The following BCAR3 variants were observed in gnomAD, a reference collection of about 807,000 sequenced individuals.
BCAR3 encodes BCAR3 adaptor protein, NSP family member, also known as breast cancer anti-estrogen resistance protein 3.
A neutral mutation model predicts 80.1 loss-of-function variants in BCAR3; 37 were observed. The observed-to-expected ratio is 0.46, with a 90% confidence interval of 0.36 to 0.61. BCAR3 has a LOEUF of 0.61. Ranked by LOEUF, BCAR3 falls within the 20% of genes least tolerant of loss-of-function variation. The pLI, the probability that BCAR3 is intolerant of heterozygous loss-of-function variation, is 0.00. For synonymous variants in BCAR3, 389 were observed against 418.9 expected (o/e 0.93, Z 0.87); for missense variants, 978 against 1,068.2 (o/e 0.92, Z 1.18).
At chr1:93,599,328 T>C (rs1316466712) in intron 3 of BCAR3, 28 of 152,158 alleles carry the variant, frequency 1.8e-4, no homozygotes, top group Admixed American at 1.8e-3. Context: ...AAGTGACCTC[T>C]AGCATGCACA....
At chr1:93,768,091 C>T (rs1397969888) in intron 2 of BCAR3, among the ~76,000 whole-genome samples, 1 of 152,146 alleles carries the variant, frequency 6.6e-6, no homozygotes, top group Non-Finnish European at 1.5e-5. Flanking sequence ...ATCAATGTGA[C>T]GTGCTGGGAC....
At chr1:93,730,019 A>G (rs1650727835) in intron 2 of BCAR3, among the ~76,000 whole-genome samples, 1 of 152,254 alleles carries the variant, frequency 6.6e-6, no homozygotes, top group African/African-American at 2.4e-5. Context: ...ATTGTATAGA[A>G]CAGGCTTATT....
At chr1:93,696,277 C>T (rs1177700798) in intron 3 of BCAR3, among the ~76,000 whole-genome samples, 2 of 152,148 alleles carry the variant, frequency 1.3e-5, no homozygotes, top group Non-Finnish European at 2.9e-5. Context: ...AATTTGCACA[C>T]TCCACAGCCA....
intron 2 of BCAR3, among the ~76,000 whole-genome samples, chr1:93,763,361 C>T (rs901607843): frequency 1.1e-4 from 16 of 152,190 alleles, no homozygotes; most frequent in African/African-American, 3.9e-4. Flanking sequence ...TTGCAGCCAG[C>T]CTGCTAACAC....
At chr1:93,760,758 T>C (rs1407538061) in intron 2 of BCAR3, among the ~76,000 whole-genome samples, 1 of 152,038 alleles carries the variant, frequency 6.6e-6, no homozygotes, top group Non-Finnish European at 1.5e-5. Context: ...CCAGCAAACA[T>C]AGGTGAGCTT....
chr1:93,755,363 C>T (rs868561093), intron 2 of BCAR3, among the ~76,000 whole-genome samples: 2 of 152,214 alleles, frequency 1.3e-5, no homozygotes, highest in Non-Finnish European at 2.9e-5. Context: ...TCACTCACCA[C>T]TCACTCACTG....
At chr1:93,659,383 G>C (rs1055832750) in intron 2 of BCAR3, among the ~76,000 whole-genome samples, 2 of 151,148 alleles carry the variant, frequency 1.3e-5, no homozygotes, top group African/African-American at 4.9e-5. Context: ...TGTAGAGATG[G>C]GGTCTTGCTA....
intron 3 of BCAR3, among the ~76,000 whole-genome samples, chr1:93,629,426 T>C (rs778747574): frequency 1.1e-4 from 17 of 152,210 alleles, no homozygotes; most frequent in Non-Finnish European, 2.5e-4. Flanking sequence ...AAAATCTACA[T>C]ACAGTATCAT....
chr1:93,811,570 C>T (rs1653842001), intron 2 of BCAR3, among the ~76,000 whole-genome samples: 1 of 152,172 alleles, frequency 6.6e-6, no homozygotes, highest in African/African-American at 2.4e-5. Flanking sequence ...ATCCTCCTGG[C>T]TTTGGGGCTT....
In BCAR3 at chr1:93,592,007, G is replaced by A. The variant is rs1470015602; in HGVS notation, c.486+258C>T. On this transcript the variant is annotated intron_variant, in intron 4 of 11. Coordinates refer to ENST00000260502, the MANE Select transcript of BCAR3 (RefSeq NM_003567.4). This position sits in a 1 kb window ranked among gnomAD's most constrained non-coding sequence, Gnocchi z 4.8. ...CTCTGTGGCTGCTGCCTCCCACAAC[G>A]CTGTGCTTGCAGACCCCAGGAGCGC... Among the ~76,000 whole-genome samples, 4 of 152,226 alleles carry A rather than the reference G, an allele frequency of 2.6e-5. No individual in the cohort carries two copies. The highest frequency in any genetic ancestry group is 4.8e-5 in the African/African-American group (2 of 41,466).
intron 3 of BCAR3, among the ~76,000 whole-genome samples, chr1:93,687,911 G>A (rs1649032094): frequency 6.6e-6 from 1 of 152,200 alleles, no homozygotes; most frequent in Non-Finnish European, 1.5e-5. Flanking sequence ...CTATCACCAA[G>A]GAAGATCAAT....
upstream of BCAR3, among the ~76,000 whole-genome samples, chr1:93,683,397 A>G (rs758535669): frequency 6.6e-6 from 1 of 152,222 alleles, no homozygotes; most frequent in Non-Finnish European, 1.5e-5. Flanking sequence ...GCTTGGCATT[A>G]TCTAGAAAAG....
chr1:93,592,118 T>A lies in BCAR3; in HGVS notation c.486+147A>T. 1 of 1,158,702 alleles carries A rather than the reference T, an allele frequency of 8.6e-7. No individual in the cohort carries two copies. Among genetic ancestry groups the A allele is most frequent in the East Asian group, 2.6e-5 (1 of 38,778 alleles). 71.8% of individuals were successfully genotyped at this position (1,158,702 alleles called of 1,614,324 possible). A position where few individuals can be genotyped will look rare whatever the true frequency, so the allele number is the denominator to read the frequency against. On this transcript the variant is annotated intron_variant, in intron 4 of 11. Transcript: ENST00000260502. The surrounding 1 kb of genome is among the most constrained non-coding windows in gnomAD (Gnocchi z 4.8). ...TTCCCAAGGTCTTCTTAGAGAAGGG[T>A]CTAAATGAAGTCATTTTTAGAGTAT...
intron 3 of BCAR3, among the ~76,000 whole-genome samples, chr1:93,634,414 G>A (rs1380646695): frequency 6.6e-6 from 1 of 152,082 alleles, no homozygotes; most frequent in African/African-American, 2.4e-5. Flanking sequence ...AGTTTTGGCT[G>A]GGCGCAGTGG....
intron 2 of BCAR3, among the ~76,000 whole-genome samples, chr1:93,812,831 C>T (rs971236404): frequency 3.9e-5 from 6 of 152,148 alleles, no homozygotes; most frequent in African/African-American, 1.4e-4. Flanking sequence ...AATTCTCTAC[C>T]CCCCTATCCC....
At chr1:93,655,379 A>G (rs1362884322) in intron 2 of BCAR3, among the ~76,000 whole-genome samples, 3 of 152,138 alleles carry the variant, frequency 2.0e-5, no homozygotes, top group South Asian at 2.1e-4. Flanking sequence ...GACTTGAACT[A>G]GAGTGTGGGA....
At chr1:93,616,455 AT>A (rs1303351206) in intron 3 of BCAR3, among the ~76,000 whole-genome samples, 1 of 152,176 alleles carries the variant, frequency 6.6e-6, no homozygotes, top group Non-Finnish European at 1.5e-5. Context: ...ACGCTGATCA[AT>A]TCCTCCCATT....
At chr1:93,705,385 A>G (rs1649798099) in intron 3 of BCAR3, among the ~76,000 whole-genome samples, 1 of 152,188 alleles carries the variant, frequency 6.6e-6, no homozygotes, top group Admixed American at 6.5e-5. Context: ...TCCCAGGGAG[A>G]GAGCAGGAAT....
intron 1 of BCAR3, 98 bp from the exon 2 acceptor site, chr1:93,675,039 G>T: frequency 9.9e-7 from 1 of 1,009,542 alleles, no homozygotes; most frequent in Non-Finnish European, 1.4e-6. Flanking sequence ...CACATAAAAT[G>T]AAATATTCAC....
Sources: gnomAD v4.1 joint callset for allele counts (sites outside exome capture counted in the v4.1 genomes callset) on GRCh38, gnomAD v4.1.1 for gene constraint, Gnocchi (gnomAD v3.1) non-coding constraint, MANE v1.5 for transcripts, NCBI Gene and HGNC (gene_info 2026-07-23, HGNC 2026-07-21) for gene names.